VRK2: variants seen among roughly 807,000 people sequenced by gnomAD.
The protein encoded by VRK2 is VRK serine/threonine kinase 2, also known as serine/threonine-protein kinase VRK2.
VRK2 carries 60 observed loss-of-function variants against 57.6 expected under a neutral mutation model. That is an observed-to-expected ratio of 1.04 (90% confidence interval 0.85 to 1.29). The LOEUF is 1.29. Ranked by LOEUF, VRK2 falls within the 50% of genes most tolerant of loss-of-function variation. The pLI is 0.00. For synonymous variants in VRK2, 231 were observed against 199.2 expected (o/e 1.16, Z -1.35); for missense variants, 705 against 588.1 (o/e 1.20, Z -2.06).
chr2:58,142,579 A>G (rs1681507125), intron 11 of VRK2, among the ~76,000 whole-genome samples: 1 of 151,870 alleles, frequency 6.6e-6, no homozygotes, highest in Non-Finnish European at 1.5e-5. Context: ...CCGCCAATCA[A>G]ATTAGAAGAC....
At chr2:57,920,185 A>C (rs968503549) in intron 1 of VRK2, among the ~76,000 whole-genome samples, 1 of 152,112 alleles carries the variant, frequency 6.6e-6, no homozygotes, top group African/African-American at 2.4e-5. Context: ...TTATCAAATA[A>C]GATCAGTCCA....
At chr2:58,135,795 A>G (rs975027600) in intron 10 of VRK2, among the ~76,000 whole-genome samples, 1 of 152,214 alleles carries the variant, frequency 6.6e-6, no homozygotes, top group Non-Finnish European at 1.5e-5. Flanking sequence ...TGTATAAAAT[A>G]GCACGTCAAC....
intron 1 of VRK2, among the ~76,000 whole-genome samples, chr2:57,941,522 TC>T (rs1226458373): frequency 6.6e-6 from 1 of 152,226 alleles, no homozygotes; most frequent in African/African-American, 2.4e-5. Context: ...ATTTCTCAAA[TC>T]ACCTTTCTGA....
chr2:58,120,193 T>G lies in VRK2; in HGVS notation c.544-2908T>G, dbSNP rs1469870219. 4.2e-5 allele frequency among the ~76,000 whole-genome samples: 5 copies of G among 117,994 alleles called. No individual in the cohort carries two copies. In the East Asian group the frequency reaches 1.1e-3, roughly 25 times the overall value. The allele number at this position is 117,994 out of a possible 152,430, so 77.4% of individuals were successfully genotyped here. On this transcript the variant is annotated intron_variant, in intron 7 of 12. Coordinates refer to ENST00000340157, the MANE Select transcript of VRK2 (RefSeq NM_006296.7). ...TATTTTTTTTTCTTTTCTTTTTTTT[T>G]TTTTTTTTTTTTTTTGAGACAGAGT...
Position 58,075,182 on chromosome 2 carries a change from A to G in VRK2, c.137-8907A>G, listed in dbSNP as rs554762301. Among the ~76,000 whole-genome samples, 17 of 152,176 alleles carry G rather than the reference A, an allele frequency of 1.1e-4. No homozygotes were observed. The South Asian group carries it at 1.4e-3, about 13-fold the overall frequency. On this transcript the variant is annotated intron_variant, in intron 2 of 12. Coordinates refer to ENST00000340157, the MANE Select transcript of VRK2 (RefSeq NM_006296.7). Reference sequence around the variant, plus strand: ...TTCCTGTGTTAATTTGCTTAGGACAATGGCCTCCAGCTCCATCCATGTTGC... The same window carrying G: ...TTCCTGTGTTAATTTGCTTAGGACAGTGGCCTCCAGCTCCATCCATGTTGC...
At chr2:57,991,695 T>A (rs1365742904) in intron 1 of VRK2, among the ~76,000 whole-genome samples, 2 of 150,624 alleles carry the variant, frequency 1.3e-5, no homozygotes, top group Admixed American at 1.3e-4. Context: ...ACGCCTGTAA[T>A]CCCCAGCACT....
In VRK2 at chr2:58,159,525, C is replaced by T; in HGVS notation, c.1359C>T (p.Tyr453=). 6.2e-7 allele frequency: 1 copy of T among 1,613,760 alleles called. No individual in the cohort carries two copies. Among genetic ancestry groups the T allele is most frequent in the Non-Finnish European group, 8.5e-7 (1 of 1,179,774 alleles). Residue 453 remains tyrosine (Y), a synonymous_variant, in exon 13 of 13, where the codon TAC becomes TAT. Transcript: ENST00000340157. ...CAAGATCTCCATCTTGGTATAAATA[C>T]ACTTCCACAGTCAGCACGGGGATCA... ...KKSRSPSWYK[Y]TSTVSTGITD...
intron 1 of VRK2, among the ~76,000 whole-genome samples, chr2:58,001,900 T>C (rs559635946): frequency 6.6e-6 from 1 of 152,274 alleles, no homozygotes; most frequent in East Asian, 1.9e-4. Context: ...CCACAACCTC[T>C]TTTTAGTTAT....
intron 1 of VRK2, among the ~76,000 whole-genome samples, chr2:57,928,065 G>GTCT (rs770477435): frequency 2.5e-4 from 38 of 152,006 alleles, no homozygotes; most frequent in Non-Finnish European, 4.9e-4. Flanking sequence ...GACTTTTGAT[G>GTCT]TCTTTCTCTA....
At chr2:58,136,187 C>A (rs1679980963) in intron 10 of VRK2, among the ~76,000 whole-genome samples, 1 of 152,170 alleles carries the variant, frequency 6.6e-6, no homozygotes, top group Non-Finnish European at 1.5e-5. Flanking sequence ...CTTCCCCTCT[C>A]CATTTGCAAG....
upstream of VRK2, among the ~76,000 whole-genome samples, chr2:58,045,518 A>C (rs1410877594): frequency 1.3e-5 from 2 of 152,238 alleles, no homozygotes; most frequent in Non-Finnish European, 2.9e-5. Flanking sequence ...CTGTTATATA[A>C]ATATCTTAAG....
chr2:58,062,679 C>A (rs1677528714), intron 2 of VRK2, among the ~76,000 whole-genome samples: 1 of 152,096 alleles, frequency 6.6e-6, no homozygotes, highest in Non-Finnish European at 1.5e-5. Flanking sequence ...TCCTAACTCT[C>A]TTCCATTCTG....
At chr2:58,012,983 A>G (rs1572778736) in intron 1 of VRK2, among the ~76,000 whole-genome samples, 1 of 152,238 alleles carries the variant, frequency 6.6e-6, no homozygotes, top group Non-Finnish European at 1.5e-5. Context: ...AGTTTTACAA[A>G]TTGTAACTTG....
At chr2:57,955,948 G>C (rs1671573906) in intron 1 of VRK2, among the ~76,000 whole-genome samples, 1 of 152,146 alleles carries the variant, frequency 6.6e-6, no homozygotes, top group Admixed American at 6.6e-5. Flanking sequence ...AACAAACAAA[G>C]AAGGTTTTCT....
chr2:58,077,542 A>T (rs1393937594), intron 2 of VRK2, among the ~76,000 whole-genome samples: 1 of 151,940 alleles, frequency 6.6e-6, no homozygotes, highest in Admixed American at 6.6e-5. Flanking sequence ...CCTTCTTTAA[A>T]TATATTTTTG....
intron 1 of VRK2, among the ~76,000 whole-genome samples, chr2:57,929,268 C>T (rs1220575543): frequency 6.6e-6 from 1 of 152,158 alleles, no homozygotes; most frequent in Non-Finnish European, 1.5e-5. Context: ...ACCCAAGCCA[C>T]ACGACAGAGT....
intron 1 of VRK2, among the ~76,000 whole-genome samples, chr2:57,988,295 A>T (rs528383051): frequency 3.9e-5 from 6 of 152,190 alleles, no homozygotes; most frequent in African/African-American, 1.4e-4. Context: ...TATGATTTCT[A>T]CTTCTTGAGA....
Position 58,077,824 on chromosome 2 carries a change from TC to T in VRK2, c.137-6263del, listed in dbSNP as rs796470375. On this transcript the variant is annotated intron_variant, in intron 2 of 12. Coordinates refer to ENST00000340157, the MANE Select transcript of VRK2 (RefSeq NM_006296.7). ...ATACCATGTAGAATTCTGTTGCTCT[TC>T]CTTCTTCATGCATGGAAATTTGTCT... Among the ~76,000 whole-genome samples, 9 of 152,214 alleles carry T rather than the reference TC, an allele frequency of 5.9e-5. 1 individual carries two copies. Among genetic ancestry groups the T allele is most frequent in the African/African-American group, 2.2e-4 (9 of 41,552 alleles).
At chr2:58,017,900 C>T (rs577902483) in intron 1 of VRK2, 12 of 152,132 alleles carry the variant, frequency 7.9e-5, no homozygotes, top group Non-Finnish European at 1.3e-4. Context: ...TTGATAATTA[C>T]GTGAAAATAT....
Sources: gnomAD v4.1 joint callset for allele counts (sites outside exome capture counted in the v4.1 genomes callset) on GRCh38, gnomAD v4.1.1 for gene constraint, MANE v1.5 for transcripts, NCBI Gene and HGNC (gene_info 2026-07-23, HGNC 2026-07-21) for gene names.